Variants in CDH8 observed in about 807,000 individuals in gnomAD.
The protein encoded by CDH8 is cadherin 8, also known as cadherin-8.
CDH8 carries 17 observed loss-of-function variants against 68.1 expected under a neutral mutation model. The ratio of observed to expected loss-of-function variants is 0.25; its 90% CI spans 0.17 to 0.37. The LOEUF (loss-of-function observed/expected upper bound fraction) is 0.37, where lower values mean the gene tolerates loss of function less well. Among genes scored for constraint, CDH8 ranks in the 10% least tolerant of loss-of-function variants. The pLI is 1.00. For synonymous variants in CDH8, 372 were observed against 365.1 expected, an observed-to-expected ratio of 1.02 and a Z score of -0.21; for missense variants, 763 against 999.3, an observed-to-expected ratio of 0.76 and a Z score of 3.19.
At chr16:61,771,155 T>G (rs868296783) in intron 8 of CDH8, among the ~76,000 whole-genome samples, 1 of 151,930 alleles carries the variant, frequency 6.6e-6, no homozygotes, top group Non-Finnish European at 1.5e-5. Context: ...TATCCAGATA[T>G]TCACAGATTT....
rs143914800 is a variant in CDH8 at position 62,007,651 on chromosome 16, A to G, written c.252+13501T>C. Reference sequence around the variant, plus strand: ...CAGAAAAGTATATACAAAAGTATACATTAACCCATCCATCCAGGGGCTAAA... The same window carrying G: ...CAGAAAAGTATATACAAAAGTATACGTTAACCCATCCATCCAGGGGCTAAA... On this transcript the variant is annotated intron_variant, in intron 2 of 11. Transcript: ENST00000577390. Among the ~76,000 whole-genome samples the G allele has an allele frequency of 9.6e-3, 1,459 of 152,304 alleles. 13 individuals carry two copies. Among genetic ancestry groups the G allele is most frequent in the East Asian group, 0.044 (226 of 5,152 alleles).
chr16:61,727,347 G>A, intron 8 of CDH8, 132 bp from the exon 9 acceptor site: 2 of 861,244 alleles, frequency 2.3e-6, no homozygotes, highest in Non-Finnish European at 3.5e-6. Flanking sequence ...GGTGATTATA[G>A]AGTCTGACCA....
intron 2 of CDH8, among the ~76,000 whole-genome samples, chr16:61,955,040 C>T (rs1029637882): frequency 6.6e-6 from 1 of 152,154 alleles, no homozygotes; most frequent in Non-Finnish European, 1.5e-5. Flanking sequence ...AGGGAAATGG[C>T]ATTACCAAGT....
At chr16:61,788,300 T>C (rs993872313) in intron 8 of CDH8, among the ~76,000 whole-genome samples, 3 of 152,112 alleles carry the variant, frequency 2.0e-5, no homozygotes, top group Non-Finnish European at 4.4e-5. Flanking sequence ...TCACATTAGC[T>C]GCCAGACAGT....
intron 2 of CDH8, among the ~76,000 whole-genome samples, chr16:61,928,777 T>C (rs1452641761): frequency 1.3e-5 from 2 of 152,242 alleles, no homozygotes; most frequent in African/African-American, 4.8e-5. Flanking sequence ...CATTGTATTC[T>C]AAGAGGCCTA....
At chr16:61,751,969 C>G in intron 8 of CDH8, among the ~76,000 whole-genome samples, 1 of 152,016 alleles carries the variant, frequency 6.6e-6, no homozygotes, top group East Asian at 1.9e-4. Context: ...TTCCCTCATT[C>G]AATAAATATT....
chr16:61,895,541 G>GA (rs1963856191), intron 3 of CDH8, among the ~76,000 whole-genome samples: 1 of 152,108 alleles, frequency 6.6e-6, no homozygotes, highest in Non-Finnish European at 1.5e-5. Context: ...GAACCTCAGA[G>GA]AAAACTAAGA....
At chr16:61,991,099 T>A (rs1431395029) in intron 2 of CDH8, among the ~76,000 whole-genome samples, 3 of 152,146 alleles carry the variant, frequency 2.0e-5, no homozygotes, top group Non-Finnish European at 4.4e-5. Context: ...CCTCTGTGAC[T>A]CCAATATCTT....
chr16:61,701,301 C>CAACA (rs1964424471), intron 10 of CDH8, among the ~76,000 whole-genome samples: 1 of 152,176 alleles, frequency 6.6e-6, no homozygotes, highest in African/African-American at 2.4e-5. Flanking sequence ...TCTTGTATTT[C>CAACA]TGTGTACCTA....
At chr16:61,730,145 A>G (rs1331322206) in intron 8 of CDH8, among the ~76,000 whole-genome samples, 1 of 151,388 alleles carries the variant, frequency 6.6e-6, no homozygotes, top group African/African-American at 2.4e-5. Context: ...AATAAATTGC[A>G]ATTATCTCTT....
intron 7 of CDH8, among the ~76,000 whole-genome samples, chr16:61,807,264 T>A (rs1040165686): frequency 2.8e-5 from 4 of 143,142 alleles, no homozygotes; most frequent in Non-Finnish European, 6.0e-5. Context: ...TAGGTGGGAA[T>A]TGAACAATGA....
intron 7 of CDH8, among the ~76,000 whole-genome samples, chr16:61,796,276 T>C (rs1251974071): frequency 6.6e-6 from 1 of 152,106 alleles, no homozygotes; most frequent in African/African-American, 2.4e-5. Flanking sequence ...ATCTAGTATT[T>C]TTATCTTTAG....
intron 10 of CDH8, among the ~76,000 whole-genome samples, chr16:61,697,078 C>T (rs1289653972): frequency 6.6e-6 from 1 of 152,132 alleles, no homozygotes; most frequent in Non-Finnish European, 1.5e-5. Context: ...CCCACGAATC[C>T]TCTGAACCTA....
At chr16:61,788,471 C>T (rs913229780) in intron 8 of CDH8, among the ~76,000 whole-genome samples, 1 of 152,126 alleles carries the variant, frequency 6.6e-6, no homozygotes, top group East Asian at 1.9e-4. Flanking sequence ...TTGTGCACAA[C>T]TTCAAAGTCC....
chr16:61,647,809 C>T lies in CDH8; in HGVS notation c.*5799G>A. On this transcript the variant is annotated 3_prime_UTR_variant, in exon 12 of 12. Coordinates refer to ENST00000577390, the MANE Select transcript of CDH8 (RefSeq NM_001796.5). Reference sequence around the variant, plus strand: ...CTTTTCTGGTCCTGACCTCTGAGTTCATTGAAGCCATGGTTTTCCACAGTC... The same window carrying T: ...CTTTTCTGGTCCTGACCTCTGAGTTTATTGAAGCCATGGTTTTCCACAGTC... 1.4e-6 allele frequency: 1 copy of T among 699,694 alleles called. No homozygotes were observed. Among genetic ancestry groups the T allele is most frequent in the East Asian group, 2.7e-5 (1 of 37,210 alleles). The allele number at this position is 699,694 out of a possible 1,614,324, so 43.3% of individuals were successfully genotyped here.
chr16:62,013,394 G>T (rs1276635208), intron 2 of CDH8, among the ~76,000 whole-genome samples: 1 of 151,958 alleles, frequency 6.6e-6, no homozygotes, highest in Non-Finnish European at 1.5e-5. Flanking sequence ...TTGAATATGG[G>T]TGTATGGGTG....
intron 8 of CDH8, among the ~76,000 whole-genome samples, chr16:61,780,153 C>T (rs1961010989): frequency 6.6e-6 from 1 of 152,154 alleles, no homozygotes. Context: ...TTTATTTTCT[C>T]ATTGTTTTCA....
intron 2 of CDH8, among the ~76,000 whole-genome samples, chr16:61,965,920 AC>A (rs1965241815): frequency 6.6e-6 from 1 of 152,184 alleles, no homozygotes; most frequent in Non-Finnish European, 1.5e-5. Context: ...TTCTGTTTAC[AC>A]CAGAATCCTG....
In CDH8 at chr16:61,960,379, G is replaced by A. The variant is rs112238186; in HGVS notation, c.253-58906C>T. Among the ~76,000 whole-genome samples the A allele has an allele frequency of 2.4e-4, 20 of 84,146 alleles. 7 individuals carry two copies. The highest frequency in any genetic ancestry group is 1.1e-3 in the South Asian group (3 of 2,754). The allele number at this position is 84,146 out of a possible 152,430, so 55.2% of individuals were successfully genotyped here. ...TGTGTATACACATACATATATACAT[G>A]TGTGTGTGTATACACATACATATAT... On this transcript the variant is annotated intron_variant, in intron 2 of 11. Coordinates refer to ENST00000577390, the MANE Select transcript of CDH8 (RefSeq NM_001796.5).
Sources: allele counts gnomAD v4.1 joint callset (sites outside exome capture counted in the v4.1 genomes callset), GRCh38; gene constraint gnomAD v4.1.1; transcripts MANE v1.5; gene names NCBI Gene and HGNC (gene_info 2026-07-23, HGNC 2026-07-21).